Variants in FKBP7 observed in about 807,000 individuals in gnomAD.
The protein encoded by FKBP7 is FKBP prolyl isomerase 7.
FKBP7 carries 24 observed loss-of-function variants against 24.3 expected under a neutral mutation model. The ratio of observed to expected loss-of-function variants is 0.99; its 90% confidence interval spans 0.72 to 1.39. FKBP7 has a LOEUF of 1.39. FKBP7 is among the 40% of genes most tolerant of loss of function. The pLI, the probability that FKBP7 is intolerant of heterozygous loss-of-function variation, is 0.00. For missense variants in FKBP7, 257 were observed against 269.5 expected (o/e 0.95, Z 0.33); for synonymous variants, 98 against 92.8 (o/e 1.06, Z -0.32).
At position 178,465,741 on chromosome 2, in the gene FKBP7, TA is replaced by T. The variant is rs11336824; in HGVS notation, c.*28del. The T allele has an allele frequency of 0.28, 319,335 of 1,154,906 alleles. 26,354 individuals are homozygous for T. The highest frequency in any genetic ancestry group is 0.61 in the East Asian group (22,123 of 36,272). The allele number at this position is 1,154,906 out of a possible 1,614,324, so 71.5% of individuals were successfully genotyped here. A position where few individuals can be genotyped will look rare whatever the true frequency, so the allele number is the denominator to read the frequency against. Reference sequence around the variant, plus strand: ...TTATACATAAAGTACAGTAAATAGCTAAAAAAAAAAAGTAGAAATACAAATA... The same window carrying T: ...TTATACATAAAGTACAGTAAATAGCTAAAAAAAAAAGTAGAAATACAAATA... On this transcript the variant is annotated 3_prime_UTR_variant, in exon 4 of 4. Transcript: ENST00000424785.
intron 1 of FKBP7, 107 bp downstream of exon 1, chr2:178,478,172 C>T: frequency 1.6e-6 from 2 of 1,233,002 alleles, no homozygotes; most frequent in South Asian, 1.4e-5. Context: ...CAACTTTTAC[C>T]GTTAAAAAAT....
At chr2:178,472,135 C>T (rs1316928602) in intron 2 of FKBP7, among the ~76,000 whole-genome samples, 3 of 147,334 alleles carry the variant, frequency 2.0e-5, no homozygotes, top group Admixed American at 6.8e-5. Flanking sequence ...AGTGCAGTGT[C>T]GCGATCTTGG....
At chr2:178,477,261 C>A in intron 1 of FKBP7, 48 bp from the exon 2 acceptor site, 1 of 1,578,852 alleles carries the variant, frequency 6.3e-7, no homozygotes, top group Non-Finnish European at 8.6e-7. Context: ...AGAAATCAAA[C>A]TTGAAAATAC....
Position 178,469,593 on chromosome 2 carries a change from G to C in FKBP7, c.507+59C>G, listed in dbSNP as rs142480690. The C allele has an allele frequency of 5.8e-6, 9 of 1,557,864 alleles. No homozygotes were observed. The Admixed American group carries it at 1.4e-4, about 24-fold the overall frequency. On this transcript the variant is annotated intron_variant, in intron 3 of 3. Coordinates refer to ENST00000424785, the MANE Select transcript of FKBP7 (RefSeq NM_181342.3). ...CCTAAAAAGTAATAGTTGTAACACAGATGTATTTAAACTGTGATAAAAAAA... is the reference window on the plus strand; with the variant it reads ...CCTAAAAAGTAATAGTTGTAACACACATGTATTTAAACTGTGATAAAAAAA...
At chr2:178,469,522 G>C (rs980737366) in intron 3 of FKBP7, 130 bp downstream of exon 3, 1 of 935,078 alleles carries the variant, frequency 1.1e-6, no homozygotes, top group East Asian at 2.5e-5. Context: ...TTATTTTTTA[G>C]TGACCAGCTC....
At chr2:178,472,155 A>C (rs967250149) in intron 2 of FKBP7, among the ~76,000 whole-genome samples, 4 of 151,212 alleles carry the variant, frequency 2.6e-5, no homozygotes, top group African/African-American at 9.7e-5. Flanking sequence ...GCTCACTGCA[A>C]CCTCCACCTC....
At chr2:178,467,495 C>T (rs1684705356) in intron 3 of FKBP7, among the ~76,000 whole-genome samples, 1 of 151,996 alleles carries the variant, frequency 6.6e-6, no homozygotes, top group Non-Finnish European at 1.5e-5. Flanking sequence ...GCTGTGTGGT[C>T]TTCTGCAAAT....
intron 2 of FKBP7, among the ~76,000 whole-genome samples, chr2:178,476,257 G>T (rs1052594583): frequency 2.0e-5 from 3 of 152,158 alleles, no homozygotes; most frequent in Non-Finnish European, 4.4e-5. Context: ...AAAAAGAAGG[G>T]ACTGGACTGA....
chr2:178,469,755 A>G lies in FKBP7; in HGVS notation c.404T>C (p.Leu135Ser), dbSNP rs760990349. The change falls in exon 3 of 4, where the codon TTG becomes TCG. Residue 135 changes from leucine to serine, a missense_variant. Coordinates refer to ENST00000424785, the MANE Select transcript of FKBP7 (RefSeq NM_181342.3). ...AGCATAAAGTTCAATCTCAAAAATC[A>G]ATGTAGCATCCGGTGGAATCTTGCC... ...AEGKIPPDAT[L>S]IFEIELYAVT... The G allele has an allele frequency of 6.2e-7, 1 of 1,613,870 alleles. No homozygotes were observed.
At chr2:178,473,086 T>G (rs1341044348) in intron 2 of FKBP7, 1 of 1,305,518 alleles carries the variant, frequency 7.7e-7, no homozygotes, top group South Asian at 1.2e-5. Flanking sequence ...CATGCAGGGT[T>G]GTTCTGTGAC....
At chr2:178,472,482 T>C (rs1190625958) in intron 2 of FKBP7, among the ~76,000 whole-genome samples, 2 of 139,130 alleles carry the variant, frequency 1.4e-5, no homozygotes, top group African/African-American at 5.1e-5. Context: ...CTTATACCAC[T>C]TTTTTTTTTT....
rs757629772 is a variant in FKBP7, at chr2:178,477,229, ATACTT to A, written c.222-21_222-17del. The A allele has an allele frequency of 6.2e-7, 1 of 1,601,672 alleles. No individual in the cohort carries two copies. The highest frequency in any genetic ancestry group is 2.2e-5 in the East Asian group (1 of 44,760). ...TTGTGTCCGGCTATAACAAAAAGCA[ATACTT>A]AAGTAAACTGATTTCAAGAAATCAA... On this transcript the variant is annotated splice_polypyrimidine_tract_variant and intron_variant, in intron 1 of 3. Coordinates refer to ENST00000424785, the MANE Select transcript of FKBP7 (RefSeq NM_181342.3).
chr2:178,470,862 T>C (rs540603549), intron 2 of FKBP7, among the ~76,000 whole-genome samples: 52 of 152,300 alleles, frequency 3.4e-4, no homozygotes, highest in Non-Finnish European at 6.6e-4. Flanking sequence ...AGCAATAAGT[T>C]GAATACCTAT....
At chr2:178,478,258 G>A in intron 1 of FKBP7, 21 bp downstream of exon 1, 1 of 1,612,952 alleles carries the variant, frequency 6.2e-7, no homozygotes, top group Non-Finnish European at 8.5e-7. Flanking sequence ...GGACGCACGG[G>A]CAGCTCGCAG....
In FKBP7 at chr2:178,464,882, T is replaced by C. The variant is rs1684610776; in HGVS notation, c.*888A>G. ...TTGACAGCATACCAATTTGTAATGA[T>C]CATTCATCATTAGTGACAAGAATGA... is the stretch of plus-strand genomic sequence containing the variant. On this transcript the variant is annotated 3_prime_UTR_variant, in exon 4 of 4. Coordinates refer to ENST00000424785, the MANE Select transcript of FKBP7 (RefSeq NM_181342.3). 1 of 152,208 alleles carries C rather than the reference T, an allele frequency of 6.6e-6. No homozygotes were observed. Among genetic ancestry groups the C allele is most frequent in the Non-Finnish European group, 1.5e-5 (1 of 68,034 alleles). The allele number at this position is 152,208 out of a possible 1,614,324, so 9.4% of individuals were successfully genotyped here.
chr2:178,477,252 G>T (rs761573125), intron 1 of FKBP7, 39 bp from the exon 2 acceptor site: 101 of 1,592,712 alleles, frequency 6.3e-5, no homozygotes, highest in South Asian at 2.4e-4. Flanking sequence ...CTGATTTCAA[G>T]AAATCAAACT....
At chr2:178,469,344 T>C (rs1179891539) in intron 3 of FKBP7, among the ~76,000 whole-genome samples, 1 of 152,196 alleles carries the variant, frequency 6.6e-6, no homozygotes, top group Non-Finnish European at 1.5e-5. Context: ...ATTCTTACAG[T>C]GCTGTCTGAA....
rs1041499034 is a variant in FKBP7, at chr2:178,473,142, C to T, written c.374-3357G>A. ...AGAAGAAAGACTTCTTCAAGTACTA[C>T]CTAAAATAAAGTTATAGCTAATGTT... is the stretch of plus-strand genomic sequence containing the variant. On this transcript the variant is annotated intron_variant, in intron 2 of 3. Coordinates refer to ENST00000424785, the MANE Select transcript of FKBP7 (RefSeq NM_181342.3). The T allele has an allele frequency of 2.4e-5, 30 of 1,265,506 alleles. No homozygotes were observed. The African/African-American group carries it at 4.3e-4, about 18-fold the overall frequency. 78.4% of individuals were successfully genotyped at this position (1,265,506 alleles called of 1,614,324 possible).
rs373660130 is a variant in FKBP7 at position 178,477,212 on chromosome 2, G to A, written c.223C>T (p.Arg75Trp). Residue 75 changes from arginine (R) to tryptophan (W), a missense_variant and splice_region_variant, in exon 2 of 4, where the codon CGG becomes TGG. Arg to Trp is a moderately radical substitution (Grantham distance 101). Coordinates refer to ENST00000424785, the MANE Select transcript of FKBP7 (RefSeq NM_181342.3). ...TTGGGGTGGCCTTCATTTTGTGTCC[G>A]GCTATAACAAAAAGCAATACTTAAG... ...AKDGSKFYCS[R>W]TQNEGHPKWF... 9.3e-6 allele frequency: 15 copies of A among 1,606,444 alleles called. No homozygotes were observed. The highest frequency in any genetic ancestry group is 1.3e-5 in the African/African-American group (1 of 74,152).
Sources: gnomAD v4.1 joint callset for allele counts (sites outside exome capture counted in the v4.1 genomes callset) on GRCh38, gnomAD v4.1.1 for gene constraint, MANE v1.5 for transcripts, NCBI Gene and HGNC (gene_info 2026-07-23, HGNC 2026-07-21) for gene names.